The following COL25A1 variants were observed in gnomAD, a reference collection of about 807,000 sequenced individuals.
The protein encoded by COL25A1 is collagen type XXV alpha 1 chain, also known as collagen alpha-1(XXV) chain.
Under a neutral mutation model 128.4 loss-of-function variants are expected in COL25A1, and 103 were observed. The observed-to-expected ratio is 0.80, with a 90% CI of 0.68 to 0.94. COL25A1 has a LOEUF of 0.94. Ranked by LOEUF, COL25A1 falls within the 40% of genes least tolerant of loss-of-function variation. The pLI, the probability that COL25A1 is intolerant of heterozygous loss-of-function variation, is 0.00. For synonymous variants in COL25A1, 279 were observed against 277.2 expected, an observed-to-expected ratio of 1.01 and a Z score of -0.06; for missense variants, 745 against 840.0, an observed-to-expected ratio of 0.89 and a Z score of 1.40.
intron 3 of COL25A1, among the ~76,000 whole-genome samples, chr4:109,093,457 G>GAAAAAAAA (rs564834752): frequency 5.8e-5 from 4 of 69,458 alleles, no homozygotes; most frequent in African/African-American, 2.7e-4. Context: ...CCATCTCTAT[G>GAAAAAAAA]AAAAAAAAAA....
At chr4:108,974,098 C>T (rs1008916363) in intron 8 of COL25A1, among the ~76,000 whole-genome samples, 7 of 152,186 alleles carry the variant, frequency 4.6e-5, no homozygotes, top group Non-Finnish European at 1.0e-4. Flanking sequence ...AAGGTGGCTG[C>T]TATTGATTCT....
At chr4:108,863,994 C>G (rs1436235352) in intron 20 of COL25A1, among the ~76,000 whole-genome samples, 1 of 152,174 alleles carries the variant, frequency 6.6e-6, no homozygotes, top group East Asian at 1.9e-4. Flanking sequence ...TGCAGATAGC[C>G]TGTTGTGGGA....
chr4:108,875,018 A>C (rs188085698), intron 19 of COL25A1, among the ~76,000 whole-genome samples: 5 of 152,344 alleles, frequency 3.3e-5, no homozygotes, highest in African/African-American at 7.2e-5. Context: ...TGAGAACAAC[A>C]AGATGACAAA....
chr4:109,092,929 C>T (rs891909666), intron 3 of COL25A1, among the ~76,000 whole-genome samples: 4 of 151,852 alleles, frequency 2.6e-5, no homozygotes, highest in Non-Finnish European at 5.9e-5. Context: ...AACCTATATT[C>T]ATAGGAGATT....
At chr4:109,182,273 C>T (rs1049580334) in intron 3 of COL25A1, among the ~76,000 whole-genome samples, 1 of 152,112 alleles carries the variant, frequency 6.6e-6, no homozygotes, top group Non-Finnish European at 1.5e-5. Flanking sequence ...AACCTCCACA[C>T]TGTTTTCCAC....
chr4:109,139,256 A>C (rs927905287), intron 3 of COL25A1, among the ~76,000 whole-genome samples: 4 of 151,996 alleles, frequency 2.6e-5, no homozygotes, highest in African/African-American at 7.3e-5. Context: ...GAATGCAAAA[A>C]TTTTCTTCCA....
intron 3 of COL25A1, among the ~76,000 whole-genome samples, chr4:109,063,649 G>A (rs888849933): frequency 6.6e-5 from 10 of 152,080 alleles, no homozygotes; most frequent in African/African-American, 2.4e-4. Flanking sequence ...GACCAGCCTG[G>A]GCAAAACAGT....
Position 109,050,328 on chromosome 4 carries a change from C to G in COL25A1, c.368-149G>C, listed in dbSNP as rs975805324. The G allele has an allele frequency of 7.1e-6, 4 of 567,162 alleles. No homozygotes were observed. In the African/African-American group the frequency reaches 7.7e-5, roughly 11 times the overall value. 35.1% of individuals were successfully genotyped at this position (567,162 alleles called of 1,614,324 possible). On this transcript the variant is annotated intron_variant, in intron 3 of 37. Coordinates refer to ENST00000399132, the MANE Select transcript of COL25A1 (RefSeq NM_198721.4). ...AGATATTTGTAAAGGTCAGTATTGT[C>G]TTTAGTGTTTCAGCAAAACTCTTAA...
intron 31 of COL25A1, among the ~76,000 whole-genome samples, chr4:108,835,861 CTTTTTTTTTTTTT>C (rs1158184110): frequency 2.2e-5 from 1 of 45,698 alleles, no homozygotes; most frequent in African/African-American, 9.7e-5. Context: ...TTACATACGT[CTTTTTTTTTTTTT>C]TTTTTTTTTT....
intron 3 of COL25A1, among the ~76,000 whole-genome samples, chr4:109,088,026 AT>A (rs1386227302): frequency 1.0e-4 from 15 of 150,582 alleles, no homozygotes; most frequent in Non-Finnish European, 2.1e-4. Context: ...TTCCTTTTTT[AT>A]TGAAAATAAA....
chr4:109,276,651 T>C (rs1560969530), intron 3 of COL25A1, among the ~76,000 whole-genome samples: 1 of 152,042 alleles, frequency 6.6e-6, no homozygotes, highest in Non-Finnish European at 1.5e-5. Context: ...GTGTCAGTCA[T>C]AGAGTAGTTT....
intron 3 of COL25A1, among the ~76,000 whole-genome samples, chr4:109,229,698 G>A (rs1050080191): frequency 1.3e-5 from 2 of 152,126 alleles, no homozygotes; most frequent in African/African-American, 2.4e-5. Context: ...GAGCTGAACC[G>A]AGAAGGCAGG....
chr4:109,288,046 G>A (rs1724059555), intron 3 of COL25A1, among the ~76,000 whole-genome samples: 1 of 152,162 alleles, frequency 6.6e-6, no homozygotes, highest in Non-Finnish European at 1.5e-5. Context: ...TGAGATATCT[G>A]AAGTCAAAGC....
intron 10 of COL25A1, among the ~76,000 whole-genome samples, chr4:108,940,281 G>A (rs1747926649): frequency 6.6e-6 from 1 of 152,148 alleles, no homozygotes; most frequent in African/African-American, 2.4e-5. Context: ...GCCTCCAGGT[G>A]TCTCTTGTGG....
At chr4:108,859,190 G>T (rs1398956876) in intron 24 of COL25A1, among the ~76,000 whole-genome samples, 1 of 152,176 alleles carries the variant, frequency 6.6e-6, no homozygotes, top group Non-Finnish European at 1.5e-5. Context: ...ACAAGGCTAT[G>T]AGGCAGATAC....
At chr4:109,278,129 C>A (rs917646345) in intron 3 of COL25A1, among the ~76,000 whole-genome samples, 7 of 150,336 alleles carry the variant, frequency 4.7e-5, no homozygotes, top group Non-Finnish European at 1.0e-4. Flanking sequence ...AGCGAGACTC[C>A]ATCTCAAAAA....
intron 3 of COL25A1, among the ~76,000 whole-genome samples, chr4:109,122,431 T>A (rs1768188699): frequency 6.6e-6 from 1 of 151,932 alleles, no homozygotes; most frequent in Non-Finnish European, 1.5e-5. Flanking sequence ...AAAACTACTC[T>A]AAAAATTTAA....
chr4:109,219,465 G>A (rs75958985), intron 3 of COL25A1, among the ~76,000 whole-genome samples: 1 of 151,792 alleles, frequency 6.6e-6, no homozygotes, highest in African/African-American at 2.4e-5. Flanking sequence ...CTCTTAGTCT[G>A]TACCCTATGT....
At chr4:109,041,870 C>G (rs1286625830) in intron 5 of COL25A1, among the ~76,000 whole-genome samples, 1 of 152,030 alleles carries the variant, frequency 6.6e-6, no homozygotes, top group African/African-American at 2.4e-5. Flanking sequence ...CTGCAAGGAG[C>G]CTTGCCCATC....
Sources: gnomAD v4.1 joint callset for allele counts (sites outside exome capture counted in the v4.1 genomes callset) on GRCh38, gnomAD v4.1.1 for gene constraint, MANE v1.5 for transcripts, NCBI Gene and HGNC (gene_info 2026-07-23, HGNC 2026-07-21) for gene names.